CHST11: variants seen among roughly 807,000 people sequenced by gnomAD.
CHST11 encodes the protein carbohydrate sulfotransferase 11.
A neutral mutation model predicts 30.4 loss-of-function variants in CHST11; 9 were observed. That is an observed-to-expected ratio of 0.30 (90% confidence interval 0.18 to 0.52). The LOEUF (loss-of-function observed/expected upper bound fraction) is 0.52, where lower values mean the gene tolerates loss of function less well. Ranked by LOEUF, CHST11 falls within the 20% of genes least tolerant of loss-of-function variation. The pLI is 0.97. For synonymous variants in CHST11, 152 were observed against 187.8 expected (o/e 0.81, Z 1.56); for missense variants, 348 against 460.6 (o/e 0.76, Z 2.24).
At chr12:104,656,990 C>T (rs549732773) in intron 2 of CHST11, among the ~76,000 whole-genome samples, 2 of 148,038 alleles carry the variant, frequency 1.4e-5, no homozygotes, top group East Asian at 2.0e-4. Context: ...CTTCAGGCAT[C>T]GTCTGATCAA....
chr12:104,745,169 C>T (rs373853699), intron 2 of CHST11, among the ~76,000 whole-genome samples: 11 of 152,158 alleles, frequency 7.2e-5, no homozygotes, highest in East Asian at 1.9e-4. Context: ...CCACCACGCC[C>T]GGCCCCTAGC....
chr12:104,659,463 C>T (rs2039576988), intron 2 of CHST11, among the ~76,000 whole-genome samples: 1 of 152,134 alleles, frequency 6.6e-6, no homozygotes, highest in South Asian at 2.1e-4. Context: ...CTGTGCTGCT[C>T]AGGGTGGTAG....
intron 2 of CHST11, among the ~76,000 whole-genome samples, chr12:104,740,316 A>G (rs887670988): frequency 1.3e-5 from 2 of 152,176 alleles, no homozygotes; most frequent in African/African-American, 4.8e-5. Context: ...TCTGAGGTTG[A>G]TGGAAGGTAG....
rs2039739715 is a variant in CHST11 at position 104,676,059 on chromosome 12, C to T, written c.204+74068C>T. Among the ~76,000 whole-genome samples, 1 of 152,152 alleles carries T rather than the reference C, an allele frequency of 6.6e-6. No individual in the cohort carries two copies. The highest frequency in any genetic ancestry group is 6.5e-5 in the Admixed American group (1 of 15,282). ...TCTGTCTGCATAGGAAAGACCTGTT[C>T]AATGATCATCTTTTTATATTGTTTT... is the stretch of plus-strand genomic sequence containing the variant. On this transcript the variant is annotated intron_variant, in intron 2 of 2. Transcript: ENST00000303694. The surrounding 1 kb of genome is among the most constrained non-coding windows in gnomAD (Gnocchi z 4.4).
intron 2 of CHST11, among the ~76,000 whole-genome samples, chr12:104,723,715 A>C (rs1414984507): frequency 1.3e-5 from 2 of 152,102 alleles, no homozygotes; most frequent in Non-Finnish European, 2.9e-5. Context: ...AATTACTGTG[A>C]CCCTAAGTGG....
At position 104,644,347 on chromosome 12, in the gene CHST11, A is replaced by C. The variant is rs79086107; in HGVS notation, c.204+42356A>C. On this transcript the variant is annotated intron_variant, in intron 2 of 2. Coordinates refer to ENST00000303694, the MANE Select transcript of CHST11 (RefSeq NM_018413.6). ...TATGATTCCACTCGGTGGCCTCCCT[A>C]CTGATGTCTTTCCTCAGCCATCTTG... 7.7e-3 allele frequency among the ~76,000 whole-genome samples: 1,171 copies of C among 152,162 alleles called. 64 individuals are homozygous for C. In the East Asian group the frequency reaches 0.12, roughly 15 times the overall value.
intron 2 of CHST11, among the ~76,000 whole-genome samples, chr12:104,602,568 G>T (rs1309097235): frequency 6.6e-6 from 1 of 152,200 alleles, no homozygotes; most frequent in Non-Finnish European, 1.5e-5. Flanking sequence ...CTCCAACCAA[G>T]GAAAAGTGTC....
chr12:104,719,225 A>G lies in CHST11; in HGVS notation c.205-37724A>G, dbSNP rs550092395. 4.6e-5 allele frequency among the ~76,000 whole-genome samples: 7 copies of G among 152,296 alleles called. No individual in the cohort carries two copies. In the East Asian group the frequency reaches 1.4e-3, roughly 29 times the overall value. On this transcript the variant is annotated intron_variant, in intron 2 of 2. Coordinates refer to ENST00000303694, the MANE Select transcript of CHST11 (RefSeq NM_018413.6). ...TGACAGCTCTTGCCTCCCCAGCTTG[A>G]ATACATGCTCAGTGGGCCAGGGTTG...
intron 2 of CHST11, among the ~76,000 whole-genome samples, chr12:104,670,996 C>T (rs1388489954): frequency 6.6e-6 from 1 of 152,164 alleles, no homozygotes; most frequent in Non-Finnish European, 1.5e-5. Context: ...TATGGATTTC[C>T]TGCCCTGCCT....
At chr12:104,635,353 G>A (rs1029185471) in intron 2 of CHST11, among the ~76,000 whole-genome samples, 1 of 152,176 alleles carries the variant, frequency 6.6e-6, no homozygotes, top group East Asian at 1.9e-4. Flanking sequence ...CCCATCTATC[G>A]CAAATGTTGC....
intron 2 of CHST11, among the ~76,000 whole-genome samples, chr12:104,680,290 C>T (rs1462551639): frequency 6.6e-6 from 1 of 152,246 alleles, no homozygotes; most frequent in African/African-American, 2.4e-5. Flanking sequence ...GAGTGACATG[C>T]AAATGCCATG....
chr12:104,649,741 T>A (rs1394532183), intron 2 of CHST11, among the ~76,000 whole-genome samples: 1 of 152,140 alleles, frequency 6.6e-6, no homozygotes, highest in African/African-American at 2.4e-5. Context: ...TTTGGCAAAT[T>A]ATGAGTTTTG....
chr12:104,527,719 T>G (rs949201586), intron 1 of CHST11, among the ~76,000 whole-genome samples: 2 of 152,220 alleles, frequency 1.3e-5, no homozygotes, highest in African/African-American at 4.8e-5. Context: ...GAAAAGATGA[T>G]GTATTAGTCT....
At position 104,761,255 on chromosome 12, in the gene CHST11, C is replaced by G. The variant is rs1257337630; in HGVS notation, c.*3452C>G. 6.6e-6 allele frequency: 1 copy of G among 152,230 alleles called. No homozygotes were observed. The highest frequency in any genetic ancestry group is 1.5e-5 in the Non-Finnish European group (1 of 68,062). 9.4% of individuals were successfully genotyped at this position (152,230 alleles called of 1,614,324 possible). A position where few individuals can be genotyped will look rare whatever the true frequency, so the allele number is the denominator to read the frequency against. ...TCAGGATGTGGATGCCACAGGAGAG[C>G]AGCAGGCAGTGGAAACTTCAGTTGC... On this transcript the variant is annotated 3_prime_UTR_variant, in exon 3 of 3. Coordinates refer to ENST00000303694, the MANE Select transcript of CHST11 (RefSeq NM_018413.6).
At chr12:104,587,629 C>T (rs2038817116) in intron 1 of CHST11, among the ~76,000 whole-genome samples, 1 of 152,178 alleles carries the variant, frequency 6.6e-6, no homozygotes, top group African/African-American at 2.4e-5. Context: ...AACACCTGGG[C>T]TCAAGCAATC....
intron 1 of CHST11, 35 bp downstream of exon 1, chr12:104,457,564 TTTC>T (rs2037364810): frequency 4.2e-6 from 6 of 1,445,484 alleles, no homozygotes; most frequent in Non-Finnish European, 5.8e-6. Flanking sequence ...TGTTGGATAT[TTTC>T]TTCTCTCTCG....
intron 1 of CHST11, among the ~76,000 whole-genome samples, chr12:104,505,450 G>T (rs1380935129): frequency 6.6e-6 from 1 of 152,144 alleles, no homozygotes; most frequent in Non-Finnish European, 1.5e-5. Context: ...TGATTTAATA[G>T]GTCTGGGGTG....
At chr12:104,545,662 C>T (rs2038339926) in intron 1 of CHST11, among the ~76,000 whole-genome samples, 1 of 152,164 alleles carries the variant, frequency 6.6e-6, no homozygotes, top group Non-Finnish European at 1.5e-5. Context: ...ACAATAGAAA[C>T]TTGTTTTTCA....
chr12:104,740,182 T>A (rs1216674014), intron 2 of CHST11, among the ~76,000 whole-genome samples: 6 of 152,182 alleles, frequency 3.9e-5, no homozygotes, highest in Non-Finnish European at 7.3e-5. Flanking sequence ...AGCTCTGAAA[T>A]CAGGCCAGCC....
Sources: allele counts gnomAD v4.1 joint callset (sites outside exome capture counted in the v4.1 genomes callset), GRCh38; gene constraint gnomAD v4.1.1; non-coding constraint Gnocchi (gnomAD v3.1); transcripts MANE v1.5; gene names NCBI Gene and HGNC (gene_info 2026-07-23, HGNC 2026-07-21).